KATNIP: variants seen among roughly 807,000 people sequenced by gnomAD.
The protein encoded by KATNIP is katanin-interacting protein.
KATNIP carries 126 observed loss-of-function variants against 174.0 expected under a neutral mutation model. The ratio of observed to expected loss-of-function variants is 0.72; its 90% CI spans 0.63 to 0.84. The LOEUF (loss-of-function observed/expected upper bound fraction) is 0.84, where lower values mean the gene tolerates loss of function less well. Ranked by LOEUF, KATNIP falls within the 40% of genes least tolerant of loss-of-function variation. The pLI, the probability that KATNIP is intolerant of heterozygous loss-of-function variation, is 0.00. For missense variants in KATNIP, 1,958 were observed against 2,109.7 expected (o/e 0.93, Z 1.41); for synonymous variants, 810 against 835.7 (o/e 0.97, Z 0.53).
At chr16:27,778,270 G>A (rs1469090718) in intron 27 of KATNIP, among the ~76,000 whole-genome samples, 1 of 152,238 alleles carries the variant, frequency 6.6e-6, no homozygotes, top group Non-Finnish European at 1.5e-5. Flanking sequence ...TTTGCCCCGG[G>A]CCGTGGGAAA....
intron 18 of KATNIP, chr16:27,754,994 T>TCAGCCCCTCCCCGTCCTGG (rs1274746080): frequency 6.6e-6 from 1 of 152,498 alleles, no homozygotes; most frequent in Non-Finnish European, 1.5e-5. Context: ...CGTGTCCACA[T>TCAGCCCCTCCCCGTCCTGG]CAGCCCCTCC....
At chr16:27,601,612 G>A (rs1183582145) in intron 2 of KATNIP, among the ~76,000 whole-genome samples, 4 of 152,264 alleles carry the variant, frequency 2.6e-5, no homozygotes, top group South Asian at 2.1e-4. Flanking sequence ...CACTGCGCCC[G>A]GCCGGCAATG....
intron 14 of KATNIP, among the ~76,000 whole-genome samples, chr16:27,726,643 C>T (rs1032674940): frequency 4.6e-5 from 7 of 152,316 alleles, no homozygotes; most frequent in Admixed American, 3.3e-4. Context: ...TCAGGTCACA[C>T]TAAGTGTTCC....
intron 5 of KATNIP, among the ~76,000 whole-genome samples, chr16:27,631,667 G>T (rs1442758722): frequency 6.6e-6 from 1 of 152,154 alleles, no homozygotes; most frequent in Non-Finnish European, 1.5e-5. Context: ...CTCCCCTTTG[G>T]ATGTGGCCAC....
chr16:27,769,750 A>G (rs769630010), intron 20 of KATNIP, 111 bp from the exon 21 acceptor site: 280 of 1,329,618 alleles, frequency 2.1e-4, no homozygotes, highest in Admixed American at 3.4e-4. Context: ...TGGCTCTGCG[A>G]AAGGCTCCCC....
At chr16:27,643,760 T>C (rs2076874766) in intron 5 of KATNIP, among the ~76,000 whole-genome samples, 1 of 151,930 alleles carries the variant, frequency 6.6e-6, no homozygotes, top group African/African-American at 2.4e-5. Context: ...GTTTGGTAGG[T>C]CAGTAAGACT....
intron 14 of KATNIP, chr16:27,727,185 T>G: frequency 5.1e-6 from 1 of 195,330 alleles, no homozygotes; most frequent in Admixed American, 5.1e-5. Context: ...GGAGGATGTT[T>G]GTTTGTTTGT....
intron 13 of KATNIP, among the ~76,000 whole-genome samples, chr16:27,713,809 CATATATATATATATAT>C (rs60005285): frequency 0.011 from 357 of 33,358 alleles, 6 homozygotes; most frequent in East Asian, 0.07. Flanking sequence ...TGTGTATATA[CATATATATATATATAT>C]ATATATATAT....
chr16:27,680,420 G>T (rs2078288839), intron 7 of KATNIP, among the ~76,000 whole-genome samples: 1 of 152,196 alleles, frequency 6.6e-6, no homozygotes, highest in Non-Finnish European at 1.5e-5. Flanking sequence ...TCATTCCTGG[G>T]TGTGAAGAAC....
At chr16:27,681,113 T>TCCCA in intron 7 of KATNIP, 1 of 343,314 alleles carries the variant, frequency 2.9e-6, no homozygotes, top group East Asian at 6.8e-5. Flanking sequence ...ATTACAGGTG[T>TCCCA]GAGCCACCGC....
chr16:27,716,234 T>C (rs2143010708), intron 13 of KATNIP, among the ~76,000 whole-genome samples: 1 of 152,326 alleles, frequency 6.6e-6, no homozygotes, highest in Non-Finnish European at 1.5e-5. Context: ...ATTTCATTTA[T>C]ATGAAATGTC....
chr16:27,757,476 CT>C, intron 18 of KATNIP: 1 of 985,022 alleles, frequency 1.0e-6, no homozygotes. Context: ...TCCCCTTCAT[CT>C]GATGATTTCC....
At chr16:27,656,909 C>T (rs1264820238) in intron 6 of KATNIP, among the ~76,000 whole-genome samples, 4 of 148,032 alleles carry the variant, frequency 2.7e-5, no homozygotes, top group Non-Finnish European at 5.9e-5. Context: ...GCACAATGTG[C>T]ACATGTACCC....
At chr16:27,679,642 C>T (rs1329413789) in intron 7 of KATNIP, among the ~76,000 whole-genome samples, 1 of 150,890 alleles carries the variant, frequency 6.6e-6, no homozygotes, top group Non-Finnish European at 1.5e-5. Flanking sequence ...GTCCTAGCTA[C>T]TTGGGAGGCT....
intron 6 of KATNIP, among the ~76,000 whole-genome samples, chr16:27,656,398 A>G (rs2077285345): frequency 1.3e-5 from 2 of 148,456 alleles, no homozygotes; most frequent in African/African-American, 5.0e-5. Context: ...AGCCTAGGCA[A>G]CAGAGTGAGA....
At chr16:27,551,326 T>C (rs190818292) in intron 1 of KATNIP, among the ~76,000 whole-genome samples, 2 of 152,330 alleles carry the variant, frequency 1.3e-5, no homozygotes, top group East Asian at 3.9e-4. Context: ...AGAAAATGTT[T>C]TTAATTGAAC....
At chr16:27,744,681 G>A (rs1446156283) in intron 15 of KATNIP, among the ~76,000 whole-genome samples, 1 of 152,040 alleles carries the variant, frequency 6.6e-6, no homozygotes, top group Non-Finnish European at 1.5e-5. Context: ...TCAAGAATTC[G>A]AGACCAGCCT....
At chr16:27,560,514 T>G (rs1395731884) in intron 1 of KATNIP, among the ~76,000 whole-genome samples, 3 of 152,110 alleles carry the variant, frequency 2.0e-5, no homozygotes. Context: ...TGGCCTCCTT[T>G]GCAGGCATCT....
chr16:27,713,812 A>ATG (rs1288814492), intron 13 of KATNIP, among the ~76,000 whole-genome samples: 17 of 10,148 alleles, frequency 1.7e-3, no homozygotes, highest in Non-Finnish European at 2.6e-3. Context: ...GTATATACAT[A>ATG]TATATATATA....
Sources: allele counts gnomAD v4.1 joint callset (sites outside exome capture counted in the v4.1 genomes callset), GRCh38; gene constraint gnomAD v4.1.1; transcripts MANE v1.5; gene names NCBI Gene and HGNC (gene_info 2026-07-23, HGNC 2026-07-21).